The following PINX1 variants were observed in gnomAD, a reference collection of about 807,000 sequenced individuals.
The protein encoded by PINX1 is PIN2/TERF1-interacting telomerase inhibitor 1.
A neutral mutation model predicts 25.4 loss-of-function variants in PINX1; 34 were observed. That is an observed-to-expected ratio of 1.34 (90% CI 1.02 to 1.78). The LOEUF (loss-of-function observed/expected upper bound fraction) is 1.78, where lower values mean the gene tolerates loss of function less well. Among genes scored for constraint, PINX1 ranks in the 40% most tolerant of loss-of-function variants. PINX1 has a pLI of 0.00. For synonymous variants in PINX1, 197 were observed against 147.7 expected (o/e 1.33, Z -2.42); for missense variants, 592 against 404.9 (o/e 1.46, Z -3.97).
At chr8:10,778,466 T>C (rs548540286) in intron 6 of PINX1, among the ~76,000 whole-genome samples, 2 of 152,210 alleles carry the variant, frequency 1.3e-5, no homozygotes, top group Non-Finnish European at 2.9e-5. Context: ...CACATTTCTC[T>C]GTCTCATGTA....
intron 6 of PINX1, among the ~76,000 whole-genome samples, chr8:10,785,417 C>G (rs952202288): frequency 6.6e-6 from 1 of 152,144 alleles, no homozygotes; most frequent in Non-Finnish European, 1.5e-5. Context: ...GATAAATTAT[C>G]CAAATGACTT....
At chr8:10,780,375 G>A (rs953224645) in intron 6 of PINX1, among the ~76,000 whole-genome samples, 16 of 151,998 alleles carry the variant, frequency 1.1e-4, no homozygotes, top group African/African-American at 3.9e-4. Flanking sequence ...CCTTTATTTT[G>A]TTGAGAAATT....
At chr8:10,784,508 T>C (rs953206315) in intron 6 of PINX1, among the ~76,000 whole-genome samples, 6 of 152,230 alleles carry the variant, frequency 3.9e-5, no homozygotes, top group African/African-American at 1.4e-4. Flanking sequence ...ATGTTCCTTT[T>C]AGAAAGGGTG....
chr8:10,809,344 T>G (rs528446541), intron 6 of PINX1, among the ~76,000 whole-genome samples: 3 of 152,326 alleles, frequency 2.0e-5, no homozygotes, highest in Admixed American at 2.0e-4. Flanking sequence ...AGCCTTCCTG[T>G]TTCTGAAGAG....
At chr8:10,798,210 T>C (rs1011973308) in intron 6 of PINX1, among the ~76,000 whole-genome samples, 12 of 152,224 alleles carry the variant, frequency 7.9e-5, no homozygotes, top group Admixed American at 5.2e-4. Context: ...AGAGTCCATG[T>C]GGCCTGGGTA....
chr8:10,823,300 G>A (rs1040609376), intron 5 of PINX1, among the ~76,000 whole-genome samples: 18 of 152,078 alleles, frequency 1.2e-4, no homozygotes, highest in Non-Finnish European at 2.1e-4. Flanking sequence ...ACTCTCAAAA[G>A]GATTAAGAAG....
chr8:10,833,503 A>T, intron 2 of PINX1: 1 of 157,940 alleles, frequency 6.3e-6, no homozygotes, highest in Non-Finnish European at 1.4e-5. Flanking sequence ...AGTGAGCTCA[A>T]GTGATGACAG....
chr8:10,779,193 C>G (rs1686463059), intron 6 of PINX1, among the ~76,000 whole-genome samples: 1 of 152,200 alleles, frequency 6.6e-6, no homozygotes, highest in African/African-American at 2.4e-5. Flanking sequence ...GCAGCAAGCC[C>G]TGCAGAGTCT....
At chr8:10,823,954 G>A (rs1299088640) in intron 5 of PINX1, among the ~76,000 whole-genome samples, 3 of 152,192 alleles carry the variant, frequency 2.0e-5, no homozygotes, top group Non-Finnish European at 4.4e-5. Context: ...ATGTACAATT[G>A]CATCTTCCTG....
At chr8:10,834,805 A>G (rs1409929705) in intron 1 of PINX1, 30 bp from the exon 2 acceptor site, 7 of 1,478,466 alleles carry the variant, frequency 4.7e-6, no homozygotes, top group Non-Finnish European at 6.6e-6. Context: ...ATCATCAGCA[A>G]TGGAGATGAT....
intron 6 of PINX1, among the ~76,000 whole-genome samples, chr8:10,779,369 A>G (rs933210889): frequency 6.6e-6 from 1 of 152,256 alleles, no homozygotes; most frequent in African/African-American, 2.4e-5. Flanking sequence ...AATTCAAAAA[A>G]GCAATTTCTA....
At chr8:10,774,872 C>A (rs1332307586) in intron 6 of PINX1, among the ~76,000 whole-genome samples, 2 of 151,916 alleles carry the variant, frequency 1.3e-5, no homozygotes, top group Non-Finnish European at 1.5e-5. Flanking sequence ...TTAAAAGATA[C>A]CGAAATTAGT....
At chr8:10,827,798 C>G (rs1337757949) in intron 4 of PINX1, among the ~76,000 whole-genome samples, 1 of 150,744 alleles carries the variant, frequency 6.6e-6, no homozygotes, top group Non-Finnish European at 1.5e-5. Flanking sequence ...GTAGTCCCAG[C>G]TACTCAGGAG....
At chr8:10,811,049 G>C (rs28675255) in intron 6 of PINX1, among the ~76,000 whole-genome samples, 18,342 of 152,312 alleles carry the variant, frequency 0.12, 1,675 homozygotes, top group African/African-American at 0.25. Flanking sequence ...TGTGACGACA[G>C]TGGTCTCAAC....
chr8:10,768,769 CGG>C (rs1280168754), intron 6 of PINX1, among the ~76,000 whole-genome samples: 1 of 152,212 alleles, frequency 6.6e-6, no homozygotes, highest in Non-Finnish European at 1.5e-5. Context: ...ACACCAAAGT[CGG>C]AGACTCAGTT....
At chr8:10,784,921 G>A (rs1801699690) in intron 6 of PINX1, among the ~76,000 whole-genome samples, 1 of 152,196 alleles carries the variant, frequency 6.6e-6, no homozygotes, top group African/African-American at 2.4e-5. Flanking sequence ...GAGACTGCCC[G>A]CTGTTCGAAG....
chr8:10,775,679 G>A (rs942305131), intron 6 of PINX1, among the ~76,000 whole-genome samples: 3 of 152,114 alleles, frequency 2.0e-5, no homozygotes, highest in Admixed American at 2.0e-4. Context: ...CAGAAAACGG[G>A]TACTCAATTT....
intron 6 of PINX1, among the ~76,000 whole-genome samples, chr8:10,801,127 A>T (rs1802251830): frequency 6.6e-6 from 1 of 152,234 alleles, no homozygotes; most frequent in African/African-American, 2.4e-5. Context: ...ACCGAATTCC[A>T]GAACACAAAA....
chr8:10,823,890 T>C (rs1412660391), intron 5 of PINX1, among the ~76,000 whole-genome samples: 1 of 152,184 alleles, frequency 6.6e-6, no homozygotes, highest in African/African-American at 2.4e-5. Context: ...TACAACACTA[T>C]TTGCTACTGT....
Sources: allele counts gnomAD v4.1 joint callset (sites outside exome capture counted in the v4.1 genomes callset), GRCh38; gene constraint gnomAD v4.1.1; transcripts MANE v1.5; gene names NCBI Gene and HGNC (gene_info 2026-07-23, HGNC 2026-07-21).